F5: variants seen among roughly 807,000 people sequenced by gnomAD.
F5 encodes coagulation factor V, also known as activated protein c cofactor.
Under a neutral mutation model 216.4 loss-of-function variants are expected in F5, and 138 were observed. The observed-to-expected ratio is 0.64, with a 90% CI of 0.56 to 0.73. The LOEUF is 0.73. F5 is among the 30% of genes least tolerant of loss of function. The pLI, the probability that F5 is intolerant of heterozygous loss-of-function variation, is 0.00. For synonymous variants in F5, 916 were observed against 930.7 expected (o/e 0.98, Z 0.29); for missense variants, 2,403 against 2,674.0 (o/e 0.90, Z 2.24).
intron 2 of F5, among the ~76,000 whole-genome samples, chr1:169,578,451 A>G (rs181756602): frequency 1.2e-4 from 18 of 152,342 alleles, no homozygotes; most frequent in Middle Eastern, 3.4e-3. Context: ...ATTGTTTAAA[A>G]GTCTTCAGCC....
chr1:169,554,106 A>G lies in F5; in HGVS notation c.1118+1076T>C, dbSNP rs12117524. ...ATTGTTTTTAATAGAAAATACATTC[A>G]CATAATTTTTATTACAGTGAAAACT... On this transcript the variant is annotated intron_variant, in intron 7 of 24. Coordinates refer to ENST00000367797, the MANE Select transcript of F5 (RefSeq NM_000130.5). 1.1e-3 allele frequency among the ~76,000 whole-genome samples: 152 copies of G among 138,816 alleles called. 1 individual carries two copies. The Middle Eastern group carries it at 0.012, about 11-fold the overall frequency. 91.1% of individuals were successfully genotyped at this position (138,816 alleles called of 152,430 possible).
chr1:169,514,191 A>C lies in F5; in HGVS notation c.*122T>G. ...TTCTTGTATAAAATTTTATTCACTA[A>C]TAGAAAAGAAAGAGAAATAGTGGAA... On this transcript the variant is annotated 3_prime_UTR_variant, in exon 25 of 25. Coordinates refer to ENST00000367797, the MANE Select transcript of F5 (RefSeq NM_000130.5). 9.5e-7 allele frequency: 1 copy of C among 1,050,458 alleles called. No homozygotes were observed. Among genetic ancestry groups the C allele is most frequent in the Non-Finnish European group, 1.4e-6 (1 of 695,488 alleles). The allele number at this position is 1,050,458 out of a possible 1,614,324, so 65.1% of individuals were successfully genotyped here. A position where few individuals can be genotyped will look rare whatever the true frequency, so the allele number is the denominator to read the frequency against.
intron 18 of F5, 126 bp downstream of exon 18, chr1:169,525,775 G>T: frequency 1.3e-6 from 1 of 771,710 alleles, no homozygotes; most frequent in Non-Finnish European, 2.3e-6. Context: ...AAGCAATTAT[G>T]GCTACAAATT....
At position 169,586,091 on chromosome 1, in the gene F5, G is replaced by A. The variant is rs565074199; in HGVS notation, c.158+138C>T. On this transcript the variant is annotated intron_variant, in intron 1 of 24. Coordinates refer to ENST00000367797, the MANE Select transcript of F5 (RefSeq NM_000130.5). The stretch of plus-strand genomic sequence containing the variant: ...GCATTTGCCCAGTTTATTTAATTCA[G>A]TATACTCTCCTATTAGTTATATTTA... 5.4e-6 allele frequency: 5 copies of A among 934,054 alleles called. No homozygotes were observed. In the East Asian group the frequency reaches 1.3e-4, roughly 24 times the overall value. 57.9% of individuals were successfully genotyped at this position (934,054 alleles called of 1,614,324 possible). A position where few individuals can be genotyped will look rare whatever the true frequency, so the allele number is the denominator to read the frequency against.
At chr1:169,514,717 A>G (rs1045712033) in intron 24 of F5, among the ~76,000 whole-genome samples, 8 of 152,116 alleles carry the variant, frequency 5.3e-5, no homozygotes, top group African/African-American at 1.9e-4. Context: ...AGCATATCAA[A>G]GAACACATAG....
chr1:169,535,224 T>A (rs1443598689), intron 14 of F5, among the ~76,000 whole-genome samples: 1 of 152,166 alleles, frequency 6.6e-6, no homozygotes, highest in African/African-American at 2.4e-5. Flanking sequence ...GTCATTTTTA[T>A]CTAGTGAAAT....
chr1:169,515,266 A>T (rs1659131644), intron 24 of F5, among the ~76,000 whole-genome samples, 178 bp downstream of exon 24: 1 of 152,148 alleles, frequency 6.6e-6, no homozygotes, highest in Non-Finnish European at 1.5e-5. Flanking sequence ...GTGAGAAATA[A>T]AACAAACCAA....
Position 169,529,783 on chromosome 1 carries a change from G to C in F5, c.5244C>G (p.Leu1748=), listed in dbSNP as rs756292631. 1 of 1,613,624 alleles carries C rather than the reference G, an allele frequency of 6.2e-7. No homozygotes were observed. Among genetic ancestry groups the C allele is most frequent in the South Asian group, 1.1e-5 (1 of 91,060 alleles). Residue 1748 remains leucine, a synonymous_variant, in exon 16 of 25, where the codon CTC becomes CTG. Transcript: ENST00000367797. ...GTAGTATTCCTTTTTGGCAGATTAG[G>C]AGGGGACCTATCAAGCCTGAGTGAA... ...KDIHSGLIGP[L]LICQKGILHK... is the part of the protein sequence containing the mutation.
In F5 at chr1:169,550,726, T is replaced by C. The variant is rs1449843431; in HGVS notation, c.1310A>G (p.Asn437Ser). 1 of 1,613,150 alleles carries C rather than the reference T, an allele frequency of 6.2e-7. No homozygotes were observed. The highest frequency in any genetic ancestry group is 2.2e-5 in the East Asian group (1 of 44,852). ...VRDTLKIVFK[N>S]MASRPYSIYP... ...AATGCTATAGGGGCGGCTGGCCATA[T>C]TTTTGAACACGATCTACAAAGTTAA... Residue 437 changes from asparagine (N) to serine (S), a missense_variant, in exon 9 of 25, where the codon AAT becomes AGT. Asn to Ser is a conservative substitution (Grantham distance 46). Transcript: ENST00000367797.
Position 169,540,299 on chromosome 1 carries a change from T to C in F5, c.4791A>G (p.Val1597=). The C allele has an allele frequency of 1.2e-6, 2 of 1,613,808 alleles. No individual in the cohort carries two copies. The highest frequency in any genetic ancestry group is 1.7e-6 in the Non-Finnish European group (2 of 1,179,806). The change falls in exon 13 of 25, where the codon GTA becomes GTG. Residue 1597 remains valine, a synonymous_variant. Coordinates refer to ENST00000367797, the MANE Select transcript of F5 (RefSeq NM_000130.5). ...EEISWDYSEF[V]QRETDIEDSD... ...AAGGAGAAAACTGGCCAAACCTTTG[T>C]ACAAATTCTGAATAATCCCAGGATA...
At position 169,540,868 on chromosome 1, in the gene F5, G is replaced by C. The variant is rs764111580; in HGVS notation, c.4222C>G (p.Gln1408Glu). The C allele has an allele frequency of 2.5e-6, 4 of 1,611,302 alleles. No individual in the cohort carries two copies. Among genetic ancestry groups the C allele is most frequent in the South Asian group, 2.2e-5 (2 of 90,730 alleles). ...SQIPLTPDLDQMTLSPDLGET... is the reference protein window; with the variant it reads ...SQIPLTPDLDEMTLSPDLGET... ...CCAAGGTCTGGAGAAAGTGTCATCT[G>C]GTCGAGGTCTGGGGTAAGGGGAATT... Residue 1408 changes from glutamine to glutamate, a missense_variant, in exon 13 of 25, where the codon CAG becomes GAG. Gln to Glu is a conservative substitution (Grantham distance 29). Around this residue, in one of 4 missense-constraint regions of F5, gnomAD observed 293 missense variants for 270.8 expected, o/e 1.08. Transcript: ENST00000367797.
Position 169,544,508 on chromosome 1 carries a change from G to GC in F5, c.1763-1dup (p.Thr588SerfsTer8), listed in dbSNP as rs1023072545. ...GCTCTCAGGCACATAGCCATTGATA[G>GC]CTGAAAGTGTAAAATCTGTTAAAAT... On this transcript the variant is annotated frameshift_variant and splice_region_variant. Transcript: ENST00000367797. LOFTEE classifies it high-confidence loss of function. 1 of 1,613,300 alleles carries GC rather than the reference G, an allele frequency of 6.2e-7. No homozygotes were observed. The highest frequency in any genetic ancestry group is 8.5e-7 in the Non-Finnish European group (1 of 1,179,480).
At position 169,542,496 on chromosome 1, in the gene F5, T is replaced by G. The variant is rs4525; in HGVS notation, c.2594A>C (p.His865Pro). 6.2e-7 allele frequency: 1 copy of G among 1,613,942 alleles called. No individual in the cohort carries two copies. Among genetic ancestry groups the G allele is most frequent in the South Asian group, 1.1e-5 (1 of 91,078 alleles). Reference sequence around the variant, plus strand: ...ATCTCTTTCTACCTTGGGTCCCTTATGCTTAGCATGTTCTTGACTTTTGAA... The same window carrying G: ...ATCTCTTTCTACCTTGGGTCCCTTAGGCTTAGCATGTTCTTGACTTTTGAA... ...GEFKSQEHAK[H>P]KGPKVERDQA... The change falls in exon 13 of 25, where the codon CAT becomes CCT. Residue 865 changes from histidine (H) to proline (P), a missense_variant. Transcript: ENST00000367797.
At chr1:169,529,572 TA>T in intron 16 of F5, 35 bp downstream of exon 16, 2 of 1,565,064 alleles carry the variant, frequency 1.3e-6, no homozygotes, top group Non-Finnish European at 1.8e-6. Flanking sequence ...CAGTGTGATT[TA>T]ATTAGGAGAT....
chr1:169,553,591 G>A (rs1000982307), intron 7 of F5, among the ~76,000 whole-genome samples: 4 of 152,158 alleles, frequency 2.6e-5, no homozygotes, highest in African/African-American at 4.8e-5. Flanking sequence ...TTGTGTTGGC[G>A]GGCCCCTGTA....
At chr1:169,582,254 G>A (rs1483897396) in intron 2 of F5, among the ~76,000 whole-genome samples, 177 bp downstream of exon 2, 3 of 152,030 alleles carry the variant, frequency 2.0e-5, no homozygotes, top group Non-Finnish European at 2.9e-5. Flanking sequence ...ATATGAACAA[G>A]GGGACTCACA....
intron 3 of F5, among the ~76,000 whole-genome samples, chr1:169,563,050 T>A (rs189499926): frequency 1.9e-3 from 293 of 152,166 alleles, no homozygotes; most frequent in African/African-American, 6.7e-3. Context: ...CTCTTTATTT[T>A]GCCTTCATTT....
At chr1:169,533,388 A>G (rs1218596689) in intron 14 of F5, among the ~76,000 whole-genome samples, 1 of 152,216 alleles carries the variant, frequency 6.6e-6, no homozygotes, top group Non-Finnish European at 1.5e-5. Context: ...AAAGCATTTC[A>G]ACAAAAGCAA....
At chr1:169,554,514 T>C (rs966820105) in intron 7 of F5, among the ~76,000 whole-genome samples, 2 of 152,238 alleles carry the variant, frequency 1.3e-5, no homozygotes, top group African/African-American at 4.8e-5. Flanking sequence ...AGTGAATATG[T>C]TGTACATACA....
Sources: allele counts gnomAD v4.1 joint callset (sites outside exome capture counted in the v4.1 genomes callset), GRCh38; gene constraint gnomAD v4.1.1; regional missense constraint gnomAD v4.1.1; transcripts MANE v1.5; gene names NCBI Gene and HGNC (gene_info 2026-07-23, HGNC 2026-07-21).